PLEKHD1: variants seen among roughly 807,000 people sequenced by gnomAD.
PLEKHD1 encodes the protein pleckstrin homology and coiled-coil domain containing D1, also known as pleckstrin homology domain-containing family D member 1.
In PLEKHD1, 51 loss-of-function variants were observed where a neutral mutation model predicts 69.2. That is an observed-to-expected ratio of 0.74 (90% CI 0.59 to 0.93). PLEKHD1 has a LOEUF of 0.93. PLEKHD1 is among the 40% of genes least tolerant of loss of function. PLEKHD1 has a pLI of 0.00. For missense variants in PLEKHD1, 584 were observed against 641.0 expected (o/e 0.91, Z 0.96); for synonymous variants, 236 against 244.7 (o/e 0.96, Z 0.33).
chr14:69,482,384 C>A (rs927172628), upstream of PLEKHD1, among the ~76,000 whole-genome samples: 5 of 152,188 alleles, frequency 3.3e-5, no homozygotes, highest in African/African-American at 9.7e-5. Flanking sequence ...CCTGACTCAG[C>A]AGAAAAGAAA....
chr14:69,501,181 C>T (rs1289723853), intron 4 of PLEKHD1: 1 of 577,072 alleles, frequency 1.7e-6, no homozygotes, highest in Non-Finnish European at 3.1e-6. Context: ...TACCATTTGT[C>T]TCCAACTCTT....
At chr14:69,495,758 C>T (rs903399623) in intron 1 of PLEKHD1, among the ~76,000 whole-genome samples, 2 of 152,228 alleles carry the variant, frequency 1.3e-5, no homozygotes, top group Non-Finnish European at 2.9e-5. Context: ...CACCTTACCT[C>T]TCCTCAAAGA....
chr14:69,527,404 G>A, intron 11 of PLEKHD1, 72 bp downstream of exon 11: 5 of 1,540,354 alleles, frequency 3.2e-6, no homozygotes, highest in Non-Finnish European at 3.5e-6. Context: ...GCCCTGTAGA[G>A]CCAGGAAACC....
chr14:69,471,723 T>C, the PLEKHD1 span, among the ~76,000 whole-genome samples: 5 of 152,192 alleles, frequency 3.3e-5, 1 homozygote, highest in Middle Eastern at 0.014. Context: ...CCCCACACTT[T>C]CCCATGCCAA....
At chr14:69,503,939 A>G (rs563325022) in intron 6 of PLEKHD1, among the ~76,000 whole-genome samples, 1 of 151,292 alleles carries the variant, frequency 6.6e-6, no homozygotes, top group Non-Finnish European at 1.5e-5. Context: ...ATTACCACAT[A>G]TTAAGGGCAG....
chr14:69,528,392 C>A lies in PLEKHD1; in HGVS notation c.1494C>A (p.Pro498=), dbSNP rs1299441879. 1.9e-6 allele frequency: 3 copies of A among 1,551,348 alleles called. No individual in the cohort carries two copies. In the Admixed American group the frequency reaches 5.9e-5, roughly 30 times the overall value. ...TCATGGCCACCCAGCCTGGAGCCCC[C>A]TCGGCACTCTCCCGGGGTGGAAAGT... The part of the protein sequence containing the change: ...YHIMATQPGA[P]SALSRGGK The change falls in exon 13 of 13, where the codon CCC becomes CCA. Residue 498 remains proline (P), a synonymous_variant. Coordinates refer to ENST00000322564, the MANE Select transcript of PLEKHD1 (RefSeq NM_001161498.2).
Position 69,484,976 on chromosome 14 carries a change from C to A in PLEKHD1, c.11C>A (p.Ser4Tyr). 1 of 1,551,058 alleles carries A rather than the reference C, an allele frequency of 6.4e-7. No individual in the cohort carries two copies. ...CCCCGCTGAGGCAGGATGTTCACGT[C>A]CAAGTCCAACTCGGTGTCGCCCTCG... MFT[S>Y]KSNSVSPSPS... Residue 4 changes from serine (S) to tyrosine (Y), a missense_variant, in exon 1 of 13, where the codon TCC becomes TAC. Ser to Tyr is a moderately radical substitution (Grantham distance 144). Coordinates refer to ENST00000322564, the MANE Select transcript of PLEKHD1 (RefSeq NM_001161498.2).
At chr14:69,483,133 G>A (rs1882576797), upstream of PLEKHD1, among the ~76,000 whole-genome samples, 1 of 152,178 alleles carries the variant, frequency 6.6e-6, no homozygotes, top group Non-Finnish European at 1.5e-5. Flanking sequence ...GGCCTGAGAT[G>A]TTCTGCATGG....
intron 6 of PLEKHD1, among the ~76,000 whole-genome samples, chr14:69,504,357 G>C (rs1883104592): frequency 6.6e-6 from 1 of 152,158 alleles, no homozygotes; most frequent in African/African-American, 2.4e-5. Context: ...TCACAGGGCA[G>C]GGGCTATCAG....
intron 6 of PLEKHD1, among the ~76,000 whole-genome samples, chr14:69,509,905 C>T (rs1437702146): frequency 6.6e-6 from 1 of 151,692 alleles, no homozygotes; most frequent in Non-Finnish European, 1.5e-5. Context: ...ACCACTGCAC[C>T]CCAGCCTGGG....
chr14:69,502,087 T>C (rs1883042074), intron 5 of PLEKHD1: 1 of 360,388 alleles, frequency 2.8e-6, no homozygotes, highest in Admixed American at 4.4e-5. Context: ...CAGCTGTGTA[T>C]ATCTTTAGGC....
chr14:69,501,868 G>A (rs1036867176), intron 5 of PLEKHD1, 43 bp downstream of exon 5: 3 of 1,472,372 alleles, frequency 2.0e-6, no homozygotes, highest in Non-Finnish European at 2.8e-6. Context: ...AGCACTTGGG[G>A]ACCAGGGGCT....
At chr14:69,512,459 T>G (rs1348742787) in intron 6 of PLEKHD1, among the ~76,000 whole-genome samples, 1 of 152,102 alleles carries the variant, frequency 6.6e-6, no homozygotes, top group Non-Finnish European at 1.5e-5. Context: ...TTTTTCTAGT[T>G]TCCTAATGTG....
At chr14:69,498,939 A>G (rs1042404928) in intron 1 of PLEKHD1, among the ~76,000 whole-genome samples, 1 of 152,122 alleles carries the variant, frequency 6.6e-6, no homozygotes, top group Non-Finnish European at 1.5e-5. Context: ...GGTGTGAGCC[A>G]CAGAACCCAG....
chr14:69,499,207 C>T (rs1249776778), intron 1 of PLEKHD1, among the ~76,000 whole-genome samples: 1 of 148,354 alleles, frequency 6.7e-6, no homozygotes, highest in Non-Finnish European at 1.5e-5. Context: ...TGCATGTAAA[C>T]TTTAAACTCT....
the PLEKHD1 span, among the ~76,000 whole-genome samples, chr14:69,468,372 A>G: frequency 6.6e-6 from 1 of 152,220 alleles, no homozygotes; most frequent in African/African-American, 2.4e-5. Context: ...TAATATAAGG[A>G]TAGTGAAAAA....
intron 6 of PLEKHD1, among the ~76,000 whole-genome samples, chr14:69,513,550 G>C (rs958375661): frequency 3.9e-5 from 6 of 152,170 alleles, no homozygotes; most frequent in Admixed American, 3.3e-4. Context: ...ATTGTTACAG[G>C]TGCATACTAT....
chr14:69,498,620 T>TCTCTTCTCTTCTCTA (rs1357395975), intron 1 of PLEKHD1, among the ~76,000 whole-genome samples: 4 of 147,770 alleles, frequency 2.7e-5, no homozygotes, highest in Non-Finnish European at 4.5e-5. Context: ...TCTCTTCTCT[T>TCTCTTCTCTTCTCTA]CTCTTCTCTT....
intron 6 of PLEKHD1, 200 bp downstream of exon 6, chr14:69,503,079 C>T (rs1489146854): frequency 3.3e-6 from 2 of 602,320 alleles, no homozygotes; most frequent in Non-Finnish European, 5.9e-6. Flanking sequence ...TTCTCCTTAC[C>T]AACCCCTGGG....
Sources: allele counts gnomAD v4.1 joint callset (sites outside exome capture counted in the v4.1 genomes callset), GRCh38; gene constraint gnomAD v4.1.1; transcripts MANE v1.5; gene names NCBI Gene and HGNC (gene_info 2026-07-23, HGNC 2026-07-21).